PGM3: variants seen among roughly 807,000 people sequenced by gnomAD.
PGM3 encodes the protein phosphoglucomutase 3.
PGM3 carries 40 observed loss-of-function variants against 66.2 expected under a neutral mutation model. That is an observed-to-expected ratio of 0.60 (90% confidence interval 0.47 to 0.79). The LOEUF (loss-of-function observed/expected upper bound fraction) is 0.79. Among genes scored for constraint, PGM3 ranks in the 30% least tolerant of loss-of-function variants. PGM3 has a pLI of 0.00. For synonymous variants in PGM3, 191 were observed against 224.2 expected (o/e 0.85, Z 1.32); for missense variants, 537 against 643.4 (o/e 0.83, Z 1.79).
intron 5 of PGM3, 138 bp downstream of exon 5, chr6:83,182,707 T>C: frequency 3.8e-6 from 3 of 781,112 alleles, no homozygotes; most frequent in Non-Finnish European, 6.2e-6. Context: ...TGTGTAGCCC[T>C]AGAGAAAAAC....
At position 83,182,825 on chromosome 6, in the gene PGM3, AT is replaced by A; in HGVS notation, c.591+19del. On this transcript the variant is annotated intron_variant, in intron 5 of 12. Transcript: ENST00000513973. ...TTTATTCATTTGTTTAACTTTAACC[AT>A]GTTCAATAAACTTTTCACCTGTTTG... 6.2e-7 allele frequency: 1 copy of A among 1,609,248 alleles called. No homozygotes were observed. The highest frequency in any genetic ancestry group is 8.5e-7 in the Non-Finnish European group (1 of 1,176,092).
chr6:83,168,885 T>C lies in PGM3; in HGVS notation c.*349A>G, dbSNP rs1786452776. 20 of 1,056,986 alleles carry C rather than the reference T, an allele frequency of 1.9e-5. No homozygotes were observed. The highest frequency in any genetic ancestry group is 4.7e-5 in the Admixed American group (1 of 21,106). The allele number at this position is 1,056,986 out of a possible 1,614,324, so 65.5% of individuals were successfully genotyped here. On this transcript the variant is annotated 3_prime_UTR_variant, in exon 13 of 13. Transcript: ENST00000513973. The stretch of plus-strand genomic sequence containing the variant: ...AAACATCATCTTGCTCATGTGATGG[T>C]GATGGCAAAGATATCACAAGGAGTT...
the PGM3 span, chr6:83,151,656 T>G: frequency 6.2e-7 from 1 of 1,607,770 alleles, no homozygotes; most frequent in South Asian, 1.1e-5. Context: ...AAAGAGACCT[T>G]CAGGTAAGGC....
chr6:83,183,009 G>A (rs776474171), intron 4 of PGM3, 31 bp from the exon 5 acceptor site: 13 of 1,594,844 alleles, frequency 8.2e-6, no homozygotes, highest in South Asian at 4.6e-5. Flanking sequence ...GCAATTCACC[G>A]CATTTCTTAA....
chr6:83,167,902 G>C lies in PGM3; in HGVS notation c.*1332C>G. 6.2e-7 allele frequency: 1 copy of C among 1,613,428 alleles called. No individual in the cohort carries two copies. The highest frequency in any genetic ancestry group is 8.5e-7 in the Non-Finnish European group (1 of 1,179,634). On this transcript the variant is annotated 3_prime_UTR_variant, in exon 13 of 13. Transcript: ENST00000513973. ...GACAACTCAGGGAGAACATTGGGTT[G>C]GGAGCCAGGGCACTTGCTGCTCACC...
At chr6:83,164,788 G>A, downstream of PGM3, 1 of 1,310,158 alleles carries the variant, frequency 7.6e-7, no homozygotes, top group South Asian at 1.4e-5. Flanking sequence ...ACAAACCCAG[G>A]TCTGAATGTC....
At chr6:83,148,706 A>G in the PGM3 span, 8 of 1,201,328 alleles carry the variant, frequency 6.7e-6, no homozygotes, top group East Asian at 1.7e-4. Context: ...TCCACAAACT[A>G]GTAGAAAACC....
chr6:83,158,223 G>C (rs1321033073), downstream of PGM3, among the ~76,000 whole-genome samples: 2 of 151,944 alleles, frequency 1.3e-5, no homozygotes, highest in South Asian at 2.1e-4. Flanking sequence ...GGATGGTCTC[G>C]ATCTCCTGAC....
chr6:83,156,873 A>AC (rs1782919588), downstream of PGM3, among the ~76,000 whole-genome samples: 1 of 151,660 alleles, frequency 6.6e-6, no homozygotes, highest in Admixed American at 6.5e-5. Context: ...TACTCAAAGT[A>AC]TGGTCCATGG....
intron 6 of PGM3, among the ~76,000 whole-genome samples, chr6:83,181,479 T>G (rs547413957): frequency 1.2e-3 from 179 of 152,314 alleles, no homozygotes; most frequent in African/African-American, 4.0e-3. Context: ...TGAGAACCAC[T>G]GCTCTAGAAT....
the PGM3 span, among the ~76,000 whole-genome samples, chr6:83,154,806 G>A: frequency 5.2e-3 from 794 of 151,982 alleles, 8 homozygotes; most frequent in Middle Eastern, 0.031. Flanking sequence ...AAAAAAAAGA[G>A]TTTTAAAAAA....
intron 3 of PGM3, 61 bp downstream of exon 3, chr6:83,188,553 T>C (rs1788776066): frequency 2.3e-6 from 3 of 1,307,530 alleles, no homozygotes; most frequent in South Asian, 1.3e-5. Flanking sequence ...TTAAAACTGA[T>C]ACAATCGTTT....
In PGM3 at chr6:83,171,953, C is replaced by T; in HGVS notation, c.1349G>A (p.Arg450Lys). ...WDALYTDLPN[R>K]QLKVQVADRR... Reference sequence around the variant, plus strand: ...CTCTCACACCTGAACTTTAAGTTGTCTGTTTGGAAGATCTGTATAGAGAGC... The same window carrying T: ...CTCTCACACCTGAACTTTAAGTTGTTTGTTTGGAAGATCTGTATAGAGAGC... The change falls in exon 11 of 13, where the codon AGA (arginine) becomes AAA (lysine). Residue 450 changes from arginine to lysine, a missense_variant. Arg to Lys is a conservative substitution (Grantham distance 26, BLOSUM62 2). Transcript: ENST00000513973. 6.2e-7 allele frequency: 1 copy of T among 1,613,226 alleles called. No homozygotes were observed. Among genetic ancestry groups the T allele is most frequent in the Non-Finnish European group, 8.5e-7 (1 of 1,179,414 alleles).
downstream of PGM3, chr6:83,162,998 G>C: frequency 1.4e-6 from 2 of 1,441,880 alleles, no homozygotes; most frequent in Non-Finnish European, 1.9e-6. Flanking sequence ...ATACTTCCTG[G>C]GAAACTGAGA....
Position 83,165,673 on chromosome 6 carries a change from TA to T in PGM3, c.*3560del. The T allele has an allele frequency of 9.5e-6, 2 of 211,002 alleles. No homozygotes were observed. 13.1% of individuals were successfully genotyped at this position (211,002 alleles called of 1,614,324 possible). A position where few individuals can be genotyped will look rare whatever the true frequency, so the allele number is the denominator to read the frequency against. On this transcript the variant is annotated 3_prime_UTR_variant, in exon 13 of 13. Coordinates refer to ENST00000513973, the MANE Select transcript of PGM3 (RefSeq NM_015599.3). ...CCCTGCAAAACGTTGCTGAGATGCC[TA>T]AAGAAGTGGTAGTTTGTTGGCAAGA...
chr6:83,187,639 ACTAAAAATACAAAAATT>A (rs917464037), intron 3 of PGM3, among the ~76,000 whole-genome samples: 1 of 152,118 alleles, frequency 6.6e-6, no homozygotes. Flanking sequence ...CCACGTCTCT[ACTAAAAATACAAAAATT>A]AGCTGGGCGT....
intron 8 of PGM3, among the ~76,000 whole-genome samples, chr6:83,176,999 C>T (rs1229714565): frequency 1.3e-5 from 2 of 152,074 alleles, no homozygotes; most frequent in East Asian, 3.9e-4. Flanking sequence ...AACTAGCAGC[C>T]TCAAGATATA....
Position 83,167,676 on chromosome 6 carries a change from T to G in PGM3, c.*1558A>C. The G allele has an allele frequency of 7.3e-7, 1 of 1,375,926 alleles. No individual in the cohort carries two copies. Among genetic ancestry groups the G allele is most frequent in the South Asian group, 1.9e-5 (1 of 52,334 alleles). The allele number at this position is 1,375,926 out of a possible 1,614,324, so 85.2% of individuals were successfully genotyped here. A position where few individuals can be genotyped will look rare whatever the true frequency, so the allele number is the denominator to read the frequency against. ...TACTACAATGTTAGACTGCTCCATG[T>G]AAAACTAATAAATGGCAGTAAAAGG... On this transcript the variant is annotated 3_prime_UTR_variant, in exon 13 of 13. Transcript: ENST00000513973.
At position 83,170,305 on chromosome 6, in the gene PGM3, T is replaced by C. The variant is rs771554844; in HGVS notation, c.1539A>G (p.Gln513=). 11 of 1,614,034 alleles carry C rather than the reference T, an allele frequency of 6.8e-6. No individual in the cohort carries two copies. Among genetic ancestry groups the C allele is most frequent in the Non-Finnish European group, 9.3e-6 (11 of 1,179,896 alleles). Residue 513 remains glutamine, a splice_region_variant and synonymous_variant, in exon 12 of 13, where the codon CAA becomes CAG. Coordinates refer to ENST00000513973, the MANE Select transcript of PGM3 (RefSeq NM_015599.3). ...VVRVYAEADS[Q]ESADHLAHEV... The stretch of plus-strand genomic sequence containing the variant: ...TTTCAATAGAACTATCCCAGCTTAC[T>C]TGTGAGTCTGCTTCTGCATATACTC...
Sources: allele counts gnomAD v4.1 joint callset (sites outside exome capture counted in the v4.1 genomes callset), GRCh38; gene constraint gnomAD v4.1.1; transcripts MANE v1.5; gene names NCBI Gene and HGNC (gene_info 2026-07-23, HGNC 2026-07-21).